The following HS3ST4 variants were observed in gnomAD, a reference collection of about 807,000 sequenced individuals.
The protein encoded by HS3ST4 is heparan sulfate-glucosamine 3-sulfotransferase 4, also known as heparan sulfate glucosamine 3-O-sulfotransferase 4.
In HS3ST4, 17 loss-of-function variants were observed where a neutral mutation model predicts 29.2. That is an observed-to-expected ratio of 0.58 (90% confidence interval 0.40 to 0.87). The LOEUF (loss-of-function observed/expected upper bound fraction) is 0.87. Among genes scored for constraint, HS3ST4 ranks in the 40% least tolerant of loss-of-function variants. The pLI, the probability that HS3ST4 is intolerant of heterozygous loss-of-function variation, is 0.00. For missense variants in HS3ST4, 627 were observed against 634.5 expected (o/e 0.99, Z 0.13); for synonymous variants, 314 against 285.7 (o/e 1.10, Z -1.00).
At chr16:26,023,557 G>C (rs1293402893) in intron 1 of HS3ST4, among the ~76,000 whole-genome samples, 1 of 151,996 alleles carries the variant, frequency 6.6e-6, no homozygotes, top group Admixed American at 6.6e-5. Context: ...ACACCACCAG[G>C]CCTGGCTAAT....
intron 1 of HS3ST4, among the ~76,000 whole-genome samples, chr16:25,756,111 AACACACACACACACATACACACAC>A (rs1966756052): frequency 6.9e-6 from 1 of 144,610 alleles, no homozygotes; most frequent in Non-Finnish European, 1.5e-5. Context: ...GTGTTATAGA[AACACACACACACACATACACACAC>A]ACACACACAC....
At chr16:26,094,822 A>G (rs1470848519) in intron 1 of HS3ST4, among the ~76,000 whole-genome samples, 1 of 152,230 alleles carries the variant, frequency 6.6e-6, no homozygotes, top group Non-Finnish European at 1.5e-5. Flanking sequence ...AAACTAGCAA[A>G]TTGGATAAAG....
intron 1 of HS3ST4, among the ~76,000 whole-genome samples, chr16:25,953,399 T>C (rs1968700083): frequency 6.6e-6 from 1 of 152,190 alleles, no homozygotes; most frequent in Non-Finnish European, 1.5e-5. Flanking sequence ...TCCTTAGTAC[T>C]AGAAAGCCTG....
chr16:25,887,691 ATTTTTTTTTTTT>A (rs768447504), intron 1 of HS3ST4, among the ~76,000 whole-genome samples: 1 of 91,500 alleles, frequency 1.1e-5, no homozygotes, highest in Admixed American at 1.2e-4. Context: ...GCTACACCTG[ATTTTTTTTTTTT>A]TTTTTTTTTT....
At chr16:25,958,705 G>A (rs1370183501) in intron 1 of HS3ST4, among the ~76,000 whole-genome samples, 2 of 152,134 alleles carry the variant, frequency 1.3e-5, no homozygotes, top group Non-Finnish European at 2.9e-5. Flanking sequence ...ACTTGTAAGG[G>A]TCTCATTCAC....
At chr16:25,779,678 C>A (rs1966850901) in intron 1 of HS3ST4, among the ~76,000 whole-genome samples, 2 of 152,216 alleles carry the variant, frequency 1.3e-5, no homozygotes, top group Non-Finnish European at 2.9e-5. Context: ...CTTCTCAGAG[C>A]AGGCACACTT....
At chr16:25,994,269 T>C (rs930114955) in intron 1 of HS3ST4, among the ~76,000 whole-genome samples, 1 of 152,182 alleles carries the variant, frequency 6.6e-6, no homozygotes, top group African/African-American at 2.4e-5. Context: ...ACGTTTTTCT[T>C]TTCCTTACTA....
Position 26,069,560 on chromosome 16 carries a change from A to AT in HS3ST4, c.735-66043dup, listed in dbSNP as rs201055901. On this transcript the variant is annotated intron_variant, in intron 1 of 1. Transcript: ENST00000331351. ...ATAGTAAATTCTTTTATATATATAT[A>AT]TTTTTTTTTATTATACTTTAAGTTC... 4.7e-5 allele frequency among the ~76,000 whole-genome samples: 7 copies of AT among 150,098 alleles called. No individual in the cohort carries two copies. The East Asian group carries it at 5.8e-4, about 12-fold the overall frequency.
chr16:25,947,943 CTCCA>C (rs1968645905), intron 1 of HS3ST4, among the ~76,000 whole-genome samples: 1 of 152,140 alleles, frequency 6.6e-6, no homozygotes, highest in Non-Finnish European at 1.5e-5. Context: ...CAGTGCCTAC[CTCCA>C]TCGGGAGGAT....
At chr16:26,128,529 T>G (rs1899376107) in intron 1 of HS3ST4, among the ~76,000 whole-genome samples, 1 of 152,238 alleles carries the variant, frequency 6.6e-6, no homozygotes, top group Non-Finnish European at 1.5e-5. Context: ...CAGGGCCATA[T>G]GTACAGATCC....
intron 1 of HS3ST4, among the ~76,000 whole-genome samples, chr16:25,933,845 T>C (rs1968489157): frequency 6.6e-6 from 1 of 151,992 alleles, no homozygotes; most frequent in Non-Finnish European, 1.5e-5. Context: ...TGGGAACTCA[T>C]AGAGCGAGAA....
chr16:25,952,566 G>T (rs150584204), intron 1 of HS3ST4, among the ~76,000 whole-genome samples: 2 of 152,248 alleles, frequency 1.3e-5, no homozygotes, highest in East Asian at 3.9e-4. Flanking sequence ...TTACCTCAGG[G>T]GTTATTGTGA....
intron 1 of HS3ST4, among the ~76,000 whole-genome samples, chr16:25,834,683 C>T (rs118059015): frequency 0.016 from 2,450 of 152,176 alleles, 22 homozygotes; most frequent in Middle Eastern, 0.024. Context: ...TGGTGGCTCA[C>T]GCCTGTAATC....
At chr16:25,973,487 C>G (rs1196060291) in intron 1 of HS3ST4, among the ~76,000 whole-genome samples, 1 of 152,178 alleles carries the variant, frequency 6.6e-6, no homozygotes, top group Non-Finnish European at 1.5e-5. Flanking sequence ...AGACCCTTCT[C>G]CAAGATGTGC....
intron 1 of HS3ST4, among the ~76,000 whole-genome samples, chr16:25,919,597 A>T (rs1033930330): frequency 6.6e-6 from 1 of 152,202 alleles, no homozygotes; most frequent in Admixed American, 6.5e-5. Context: ...GTGAGAAAAG[A>T]TGTCCAGGCC....
At chr16:26,121,362 G>A (rs534845916) in intron 1 of HS3ST4, among the ~76,000 whole-genome samples, 53 of 152,296 alleles carry the variant, frequency 3.5e-4, no homozygotes, top group African/African-American at 1.2e-3. Flanking sequence ...GTGGAACAAA[G>A]TAAAGGGTGT....
At chr16:25,751,818 T>C (rs4787333) in intron 1 of HS3ST4, among the ~76,000 whole-genome samples, 39,543 of 152,034 alleles carry the variant, frequency 0.26, 5,667 homozygotes, top group East Asian at 0.58. Flanking sequence ...GTTAGTTTGC[T>C]TGCTGGAAGG....
At chr16:25,756,154 GCA>G (rs71997199) in intron 1 of HS3ST4, among the ~76,000 whole-genome samples, 3,002 of 132,348 alleles carry the variant, frequency 0.023, 89 homozygotes, top group African/African-American at 0.075. Context: ...ACACACACAC[GCA>G]CACACACACA....
Position 25,725,136 on chromosome 16 carries a change from T to C in HS3ST4, c.734+31985T>C, listed in dbSNP as rs545937894. 3.8e-4 allele frequency among the ~76,000 whole-genome samples: 57 copies of C among 151,968 alleles called. No individual in the cohort carries two copies. In the South Asian group the frequency reaches 0.011, roughly 30 times the overall value. On this transcript the variant is annotated intron_variant, in intron 1 of 1. Transcript: ENST00000331351. ...ATTCTACTACTATTTTTGTTTTTCATAGGCACCCTTTTCCAGAAATGCTGC... is the reference window on the plus strand; with the variant it reads ...ATTCTACTACTATTTTTGTTTTTCACAGGCACCCTTTTCCAGAAATGCTGC...
Sources: allele counts gnomAD v4.1 joint callset (sites outside exome capture counted in the v4.1 genomes callset), GRCh38; gene constraint gnomAD v4.1.1; transcripts MANE v1.5; gene names NCBI Gene and HGNC (gene_info 2026-07-23, HGNC 2026-07-21).